Variants in KIF6 observed in about 807,000 individuals in gnomAD.
The protein encoded by KIF6 is kinesin-like protein KIF6.
In KIF6, 106 loss-of-function variants were observed where a neutral mutation model predicts 112.7. The ratio of observed to expected loss-of-function variants is 0.94; its 90% CI spans 0.80 to 1.11. The LOEUF (loss-of-function observed/expected upper bound fraction) is 1.11. Ranked by LOEUF, KIF6 falls within the 50% of genes least tolerant of loss-of-function variation. The pLI, the probability that KIF6 is intolerant of heterozygous loss-of-function variation, is 0.00. For missense variants in KIF6, 929 were observed against 964.0 expected, an observed-to-expected ratio of 0.96 and a Z score of 0.48; for synonymous variants, 339 against 339.9, an observed-to-expected ratio of 1.00 and a Z score of 0.03.
intron 13 of KIF6, among the ~76,000 whole-genome samples, chr6:39,503,559 A>C (rs1776260110): frequency 6.6e-6 from 1 of 152,042 alleles, no homozygotes; most frequent in Admixed American, 6.6e-5. Flanking sequence ...TGAAAAAATT[A>C]ATAAAAATAG....
intron 3 of KIF6, among the ~76,000 whole-genome samples, chr6:39,694,949 T>C (rs1284612965): frequency 3.3e-5 from 5 of 152,102 alleles, no homozygotes; most frequent in Non-Finnish European, 5.9e-5. Flanking sequence ...CAAAAAAGCA[T>C]AGTACTATTA....
At chr6:39,424,358 A>G (rs1250229536) in intron 14 of KIF6, among the ~76,000 whole-genome samples, 6 of 152,194 alleles carry the variant, frequency 3.9e-5, no homozygotes, top group Non-Finnish European at 8.8e-5. Context: ...ATGGCATACT[A>G]TATGTGAATT....
At chr6:39,535,548 C>A (rs1778368798) in intron 13 of KIF6, among the ~76,000 whole-genome samples, 1 of 152,166 alleles carries the variant, frequency 6.6e-6, no homozygotes, top group Admixed American at 6.5e-5. Flanking sequence ...TACAGGAGCA[C>A]CCAGATGCAT....
At chr6:39,443,070 C>T (rs111644160) in intron 13 of KIF6, among the ~76,000 whole-genome samples, 4,779 of 150,208 alleles carry the variant, frequency 0.032, 247 homozygotes, top group African/African-American at 0.11. Context: ...GCCGAGATCA[C>T]GCCATTGCAC....
intron 13 of KIF6, among the ~76,000 whole-genome samples, chr6:39,483,985 G>C (rs552261726): frequency 6.6e-6 from 1 of 152,182 alleles, no homozygotes; most frequent in South Asian, 2.1e-4. Context: ...GAGTGGGAGA[G>C]GCTATATACA....
At chr6:39,428,500 T>A (rs1770920049) in intron 14 of KIF6, among the ~76,000 whole-genome samples, 1 of 152,218 alleles carries the variant, frequency 6.6e-6, no homozygotes, top group Admixed American at 6.5e-5. Flanking sequence ...ATGTCCCCCT[T>A]TCTAGGGAGA....
At chr6:39,555,607 C>T (rs1186366721) in intron 10 of KIF6, among the ~76,000 whole-genome samples, 1 of 152,088 alleles carries the variant, frequency 6.6e-6, no homozygotes, top group African/African-American at 2.4e-5. Flanking sequence ...CCACTCATTT[C>T]CATTTATTCA....
At chr6:39,671,767 G>A (rs796190123) in intron 3 of KIF6, among the ~76,000 whole-genome samples, 33 of 152,302 alleles carry the variant, frequency 2.2e-4, no homozygotes, top group African/African-American at 7.2e-4. Context: ...ATTCAACATT[G>A]TTTTGTTATA....
chr6:39,430,028 A>G (rs1192033030), intron 14 of KIF6, among the ~76,000 whole-genome samples: 2 of 151,880 alleles, frequency 1.3e-5, no homozygotes, highest in Non-Finnish European at 2.9e-5. Context: ...ATCTCTGTAC[A>G]CTTCCCAGTT....
At chr6:39,392,081 G>A (rs1767942544) in intron 15 of KIF6, among the ~76,000 whole-genome samples, 1 of 152,050 alleles carries the variant, frequency 6.6e-6, no homozygotes, top group South Asian at 2.1e-4. Flanking sequence ...TGCTTTTATT[G>A]TAGGTGTTCT....
intron 1 of KIF6, among the ~76,000 whole-genome samples, chr6:39,724,223 G>A (rs1790398107): frequency 6.6e-6 from 1 of 152,218 alleles, no homozygotes; most frequent in South Asian, 2.1e-4. Flanking sequence ...GGCCGAGGCG[G>A]GCGGATCACA....
At chr6:39,700,517 C>T (rs1788818883) in intron 3 of KIF6, among the ~76,000 whole-genome samples, 1 of 152,106 alleles carries the variant, frequency 6.6e-6, no homozygotes, top group Non-Finnish European at 1.5e-5. Flanking sequence ...TTAATGTTTC[C>T]TATGATATTT....
chr6:39,375,584 C>G (rs1766377228), intron 16 of KIF6, among the ~76,000 whole-genome samples: 1 of 152,134 alleles, frequency 6.6e-6, no homozygotes, highest in Non-Finnish European at 1.5e-5. Context: ...ATCTCCTGCC[C>G]TTGGACGTTG....
chr6:39,616,831 C>T (rs1783547530), intron 5 of KIF6, among the ~76,000 whole-genome samples: 1 of 152,170 alleles, frequency 6.6e-6, no homozygotes, highest in African/African-American at 2.4e-5. Context: ...TTAAATTCTA[C>T]TGCCAGTGAA....
At chr6:39,389,891 C>T (rs527964853) in intron 15 of KIF6, among the ~76,000 whole-genome samples, 1 of 152,052 alleles carries the variant, frequency 6.6e-6, no homozygotes, top group Non-Finnish European at 1.5e-5. Flanking sequence ...ATTAGCTGGG[C>T]ATGGTGACGG....
intron 13 of KIF6, among the ~76,000 whole-genome samples, chr6:39,432,920 G>T (rs948509917): frequency 6.6e-6 from 1 of 152,006 alleles, no homozygotes; most frequent in African/African-American, 2.4e-5. Flanking sequence ...TCTCCAAATT[G>T]CTCCCCCCCG....
In KIF6 at chr6:39,345,805, A is replaced by G. The variant is rs1763664178; in HGVS notation, c.2232-16T>C. On this transcript the variant is annotated splice_polypyrimidine_tract_variant and intron_variant, in intron 20 of 22. Transcript: ENST00000287152. ...ATTCACATCACTGCAAAACACAAACAAACAAAAGCAAAAGGAATGGGGGCA... is the reference window on the plus strand; with the variant it reads ...ATTCACATCACTGCAAAACACAAACGAACAAAAGCAAAAGGAATGGGGGCA... 1 of 1,603,144 alleles carries G rather than the reference A, an allele frequency of 6.2e-7. No individual in the cohort carries two copies. Among genetic ancestry groups the G allele is most frequent in the Non-Finnish European group, 8.5e-7 (1 of 1,172,702 alleles).
intron 13 of KIF6, among the ~76,000 whole-genome samples, chr6:39,536,118 T>C (rs1477286942): frequency 6.6e-6 from 1 of 150,666 alleles, no homozygotes; most frequent in South Asian, 2.1e-4. Flanking sequence ...GCAGGAAAGA[T>C]CCAAAATTGA....
At position 39,343,745 on chromosome 6, in the gene KIF6, A is replaced by T. The variant is rs758685033; in HGVS notation, c.2392T>A (p.Phe798Ile). The change falls in exon 22 of 23, where the codon TTC becomes ATC. Residue 798 changes from phenylalanine (F) to isoleucine (I), a missense_variant. Coordinates refer to ENST00000287152, the MANE Select transcript of KIF6 (RefSeq NM_145027.6). This position sits in a 1 kb window ranked among gnomAD's most constrained non-coding sequence, Gnocchi z 4.1. ...DSQTDSDIIA[F>I]IKARQSILQK... is the part of the protein sequence containing the mutation. ...AGAATGCTCTGTCTGGCCTTGATGAAGGCGATGATGTCCGAGTCCGTCTGG... is the reference window on the plus strand; with the variant it reads ...AGAATGCTCTGTCTGGCCTTGATGATGGCGATGATGTCCGAGTCCGTCTGG... 3.4e-5 allele frequency: 55 copies of T among 1,612,718 alleles called. No individual in the cohort carries two copies. The East Asian group carries it at 1.1e-3, about 33-fold the overall frequency.
Sources: allele counts gnomAD v4.1 joint callset (sites outside exome capture counted in the v4.1 genomes callset), GRCh38; gene constraint gnomAD v4.1.1; non-coding constraint Gnocchi (gnomAD v3.1); transcripts MANE v1.5; gene names NCBI Gene and HGNC (gene_info 2026-07-23, HGNC 2026-07-21).